The following SORL1 variants were observed in gnomAD, a reference collection of about 807,000 sequenced individuals.
The protein encoded by SORL1 is sortilin-related receptor.
Under a neutral mutation model 273.7 loss-of-function variants are expected in SORL1, and 127 were observed. That is an observed-to-expected ratio of 0.46 (90% confidence interval 0.40 to 0.54). The LOEUF is 0.54. Ranked by LOEUF, SORL1 falls within the 20% of genes least tolerant of loss-of-function variation. The probability of loss-of-function intolerance (pLI) is 0.00; values close to 1 mark genes in which losing one functional copy is unlikely to be tolerated. For synonymous variants in SORL1, 1,031 were observed against 1,067.4 expected, an observed-to-expected ratio of 0.97 and a Z score of 0.66; for missense variants, 2,494 against 2,846.1, an observed-to-expected ratio of 0.88 and a Z score of 2.81.
At chr11:121,549,446 G>T (rs10790446) in intron 14 of SORL1, among the ~76,000 whole-genome samples, 66,071 of 151,850 alleles carry the variant, frequency 0.44, 14,605 homozygotes, top group Middle Eastern at 0.54. Flanking sequence ...ATGTTGGTCT[G>T]GAGCTCCTGG....
chr11:121,493,732 C>T (rs1476667833), intron 5 of SORL1, among the ~76,000 whole-genome samples: 2 of 152,132 alleles, frequency 1.3e-5, no homozygotes, highest in Non-Finnish European at 2.9e-5. Flanking sequence ...AATTTTAGTC[C>T]TCATTAAGTG....
intron 42 of SORL1, 46 bp downstream of exon 42, chr11:121,618,939 C>T: frequency 6.2e-7 from 1 of 1,610,634 alleles, no homozygotes; most frequent in East Asian, 2.2e-5. Context: ...TGTCTTAAGT[C>T]CTGGGCTCTG....
Position 121,452,495 on chromosome 11 carries a change from C to T in SORL1, c.164C>T (p.Pro55Leu). 6.7e-7 allele frequency: 1 copy of T among 1,483,420 alleles called. No homozygotes were observed. The highest frequency in any genetic ancestry group is 8.9e-7 in the Non-Finnish European group (1 of 1,119,506). 91.9% of individuals were successfully genotyped at this position (1,483,420 alleles called of 1,614,324 possible). A position where few individuals can be genotyped will look rare whatever the true frequency, so the allele number is the denominator to read the frequency against. Reference sequence around the variant, plus strand: ...GGCTTCCTCGTGGTGCAGGGCGACCCGCGCGAGCTGCGGCTGTGGGCGCGC... The same window carrying T: ...GGCTTCCTCGTGGTGCAGGGCGACCTGCGCGAGCTGCGGCTGTGGGCGCGC... ...DRGFLVVQGD[P>L]RELRLWARGD... The change falls in exon 1 of 48, where the codon CCG (proline) becomes CTG (leucine). Residue 55 changes from proline (P) to leucine (L), a missense_variant. Transcript: ENST00000260197. The surrounding 1 kb of genome is among the most constrained non-coding windows in gnomAD (Gnocchi z 5.3).
At chr11:121,538,183 A>ATTT (rs11399955) in intron 12 of SORL1, among the ~76,000 whole-genome samples, 25 of 146,616 alleles carry the variant, frequency 1.7e-4, no homozygotes, top group East Asian at 9.9e-4. Context: ...GGTGGCTCCT[A>ATTT]TTTTTTTTTT....
At position 121,590,144 on chromosome 11, in the gene SORL1, G is replaced by A. The variant is rs549361328; in HGVS notation, c.4183G>A (p.Gly1395Arg). 2.5e-6 allele frequency: 4 copies of A among 1,614,214 alleles called. No individual in the cohort carries two copies. The South Asian group carries it at 3.3e-5, about 13-fold the overall frequency. The stretch of plus-strand genomic sequence containing the variant: ...GAAATGTGACAGGGAGAACGACTGT[G>A]GGGACTGGTCTGATGAGAAGGATTG... ...RWKCDRENDC[G>R]DWSDEKDCGD... is the part of the protein sequence containing the mutation. Residue 1395 changes from glycine to arginine, a missense_variant, in exon 30 of 48, where the codon GGG becomes AGG. Around this residue, in one of 3 missense-constraint regions of SORL1, gnomAD observed 1,609 missense variants for 1,816.4 expected, o/e 0.89. Transcript: ENST00000260197.
chr11:121,555,394 AG>A, intron 18 of SORL1, 76 bp downstream of exon 18: 2 of 1,554,060 alleles, frequency 1.3e-6, no homozygotes, highest in Non-Finnish European at 1.8e-6. Flanking sequence ...TTTGACACAG[AG>A]GCAAGGGCCA....
chr11:121,558,051 C>CT (rs1307807584), intron 19 of SORL1, among the ~76,000 whole-genome samples: 8 of 152,186 alleles, frequency 5.3e-5, no homozygotes, highest in African/African-American at 1.9e-4. Context: ...ATTCTTAACC[C>CT]TTTACCCTCA....
At chr11:121,561,800 C>T (rs1202536938) in intron 21 of SORL1, among the ~76,000 whole-genome samples, 2 of 151,918 alleles carry the variant, frequency 1.3e-5, no homozygotes, top group African/African-American at 2.4e-5. Flanking sequence ...CCAGTTGTCG[C>T]CTCTCTGCTC....
intron 6 of SORL1, among the ~76,000 whole-genome samples, chr11:121,508,667 G>A (rs1278984362): frequency 6.6e-6 from 1 of 152,194 alleles, no homozygotes; most frequent in Non-Finnish European, 1.5e-5. Flanking sequence ...GAGGCTGTGG[G>A]TTTCCAAGGC....
intron 11 of SORL1, among the ~76,000 whole-genome samples, chr11:121,530,699 G>T (rs956820595): frequency 1.2e-4 from 19 of 152,088 alleles, no homozygotes; most frequent in African/African-American, 4.1e-4. Flanking sequence ...GAAATTTTCA[G>T]CCATTATTTC....
chr11:121,537,100 C>CA, intron 12 of SORL1, among the ~76,000 whole-genome samples: 1 of 152,088 alleles, frequency 6.6e-6, no homozygotes, highest in South Asian at 2.1e-4. Flanking sequence ...AAAGCATGAT[C>CA]AGTGGGGAAT....
Position 121,625,099 on chromosome 11 carries a change from C to T in SORL1, c.6186C>T (p.His2062=). 2 of 1,611,258 alleles carry T rather than the reference C, an allele frequency of 1.2e-6. No individual in the cohort carries two copies. Among genetic ancestry groups the T allele is most frequent in the South Asian group, 2.2e-5 (2 of 90,796 alleles). ...HFNESRGYEI[H]MFDSAMNITA... is the part of the protein sequence containing the mutation. ...TTTGTTTTCAGGGCTATGAGATACA[C>T]ATGTTTGATAGTGCCATGAATATCA... The change falls in exon 46 of 48, where the codon CAC becomes CAT. Residue 2062 remains histidine (H), a synonymous_variant. Coordinates refer to ENST00000260197, the MANE Select transcript of SORL1 (RefSeq NM_003105.6).
chr11:121,544,601 T>C (rs1862396202), intron 13 of SORL1, among the ~76,000 whole-genome samples: 1 of 152,212 alleles, frequency 6.6e-6, no homozygotes, highest in Non-Finnish European at 1.5e-5. Flanking sequence ...GTGTATCAGC[T>C]TCGGGTAGTA....
chr11:121,528,786 T>C (rs914508324), intron 11 of SORL1, among the ~76,000 whole-genome samples: 3 of 152,238 alleles, frequency 2.0e-5, no homozygotes, highest in Admixed American at 6.5e-5. Flanking sequence ...AGATCCAGCC[T>C]GTGGTCTATA....
intron 6 of SORL1, among the ~76,000 whole-genome samples, chr11:121,509,000 C>G (rs1021003964): frequency 2.0e-5 from 3 of 152,176 alleles, no homozygotes; most frequent in Non-Finnish European, 4.4e-5. Flanking sequence ...GTGCCCTCAC[C>G]AACTTCAATA....
chr11:121,543,948 A>C (rs1043509977), intron 13 of SORL1, among the ~76,000 whole-genome samples: 1 of 152,224 alleles, frequency 6.6e-6, no homozygotes, highest in African/African-American at 2.4e-5. Flanking sequence ...TTCCTCATGC[A>C]GTTCCTGGCA....
chr11:121,469,871 GGCCACCTTGGCCCAAAT>G, intron 1 of SORL1, 119 bp from the exon 2 acceptor site: 2 of 704,692 alleles, frequency 2.8e-6, no homozygotes, highest in East Asian at 5.0e-5. Flanking sequence ...GAGGGGAAGA[GGCCACCTTGGCCCAAAT>G]GCTTTAGATG....
chr11:121,501,230 A>G (rs991236820), intron 6 of SORL1, among the ~76,000 whole-genome samples: 1 of 152,252 alleles, frequency 6.6e-6, no homozygotes, highest in Admixed American at 6.5e-5. Context: ...TTGAGATACA[A>G]TTCACATTCT....
Position 121,589,345 on chromosome 11 carries a change from G to A in SORL1, c.4033G>A (p.Asp1345Asn), listed in dbSNP as rs367734910. The A allele has an allele frequency of 5.6e-6, 9 of 1,613,740 alleles. No individual in the cohort carries two copies. The highest frequency in any genetic ancestry group is 2.7e-5 in the African/African-American group (2 of 74,938). Residue 1345 changes from aspartate (D) to asparagine (N), a missense_variant, in exon 29 of 48, where the codon GAC becomes AAC. This residue lies in a region of SORL1 where 1,609 missense variants were observed against 1,816.4 expected (regional missense o/e 0.89). Transcript: ENST00000260197. ...GTGCATCAGTTTGATTTGGAAGTGC[G>A]ACGGGATGGATGATTGCGGCGATTA... is the stretch of plus-strand genomic sequence containing the variant. Reference protein sequence around the residue: ...GVCISLIWKCDGMDDCGDYSD... With the variant: ...GVCISLIWKCNGMDDCGDYSD...
Sources: allele counts gnomAD v4.1 joint callset (sites outside exome capture counted in the v4.1 genomes callset), GRCh38; gene constraint gnomAD v4.1.1; regional missense constraint gnomAD v4.1.1; non-coding constraint Gnocchi (gnomAD v3.1); transcripts MANE v1.5; gene names NCBI Gene and HGNC (gene_info 2026-07-23, HGNC 2026-07-21).